Variants in SLC25A21 observed in about 807,000 individuals in gnomAD.
SLC25A21 encodes the protein solute carrier family 25 member 21, also known as mitochondrial 2-oxodicarboxylate carrier.
A neutral mutation model predicts 43.8 loss-of-function variants in SLC25A21; 47 were observed. The ratio of observed to expected loss-of-function variants is 1.07; its 90% CI spans 0.85 to 1.37. The LOEUF is 1.37. SLC25A21 is among the 40% of genes most tolerant of loss of function. SLC25A21 has a pLI of 0.00. For synonymous variants in SLC25A21, 131 were observed against 121.3 expected, an observed-to-expected ratio of 1.08 and a Z score of -0.52; for missense variants, 352 against 350.2, an observed-to-expected ratio of 1.00 and a Z score of -0.04.
chr14:36,745,736 G>A (rs1885468540), intron 3 of SLC25A21, among the ~76,000 whole-genome samples: 1 of 151,964 alleles, frequency 6.6e-6, no homozygotes, highest in South Asian at 2.1e-4. Flanking sequence ...TGTAGATTCT[G>A]GATATTAGCC....
In SLC25A21 at chr14:36,679,283, C is replaced by CTA. The variant is rs754786807; in HGVS notation, c.*1373_*1374dup. ...GTTGGAAAGGATGTACAACAGAAGGCTATGTATGTATATACAGTATGTCAA... is the reference window on the plus strand; with the variant it reads ...GTTGGAAAGGATGTACAACAGAAGGCTATATGTATGTATATACAGTATGTCAA... On this transcript the variant is annotated 3_prime_UTR_variant, in exon 10 of 10. Transcript: ENST00000331299. 1.1e-5 allele frequency: 11 copies of CTA among 980,298 alleles called. No homozygotes were observed. In the East Asian group the frequency reaches 1.0e-3, roughly 91 times the overall value. 60.7% of individuals were successfully genotyped at this position (980,298 alleles called of 1,614,324 possible). A position where few individuals can be genotyped will look rare whatever the true frequency, so the allele number is the denominator to read the frequency against.
At chr14:37,146,854 T>C (rs560512758) in intron 1 of SLC25A21, among the ~76,000 whole-genome samples, 4 of 152,344 alleles carry the variant, frequency 2.6e-5, no homozygotes, top group East Asian at 1.9e-4. Flanking sequence ...TAGATTCATA[T>C]ACGCCGCACA....
At chr14:36,746,631 T>C (rs940060772) in intron 3 of SLC25A21, among the ~76,000 whole-genome samples, 6 of 152,218 alleles carry the variant, frequency 3.9e-5, no homozygotes, top group African/African-American at 1.4e-4. Flanking sequence ...AGCTCATTGA[T>C]AAATAAGCCT....
intron 3 of SLC25A21, among the ~76,000 whole-genome samples, chr14:36,763,898 G>A (rs1886258350): frequency 6.6e-6 from 1 of 150,710 alleles, no homozygotes; most frequent in South Asian, 2.1e-4. Flanking sequence ...GTGCAATGGT[G>A]GGCACCTGTA....
chr14:37,139,341 T>C (rs748133601), intron 1 of SLC25A21, among the ~76,000 whole-genome samples: 5 of 152,112 alleles, frequency 3.3e-5, no homozygotes, highest in Non-Finnish European at 5.9e-5. Context: ...TTTATTCTAA[T>C]AAGAAAAGTC....
At chr14:37,007,842 C>A (rs1194600611) in intron 1 of SLC25A21, among the ~76,000 whole-genome samples, 1 of 152,096 alleles carries the variant, frequency 6.6e-6, no homozygotes, top group African/African-American at 2.4e-5. Flanking sequence ...AAGGATTCTG[C>A]ATTTACTTCT....
intron 1 of SLC25A21, among the ~76,000 whole-genome samples, chr14:36,945,992 G>A (rs1723967059): frequency 6.6e-6 from 1 of 152,126 alleles, no homozygotes; most frequent in African/African-American, 2.4e-5. Context: ...AAGCAAGCTA[G>A]CAACATAACC....
At chr14:36,882,789 T>C (rs1890775139) in intron 1 of SLC25A21, among the ~76,000 whole-genome samples, 2 of 151,544 alleles carry the variant, frequency 1.3e-5, no homozygotes, top group Admixed American at 6.6e-5. Context: ...TCTAGTAGCC[T>C]AGATATTCAG....
intron 1 of SLC25A21, among the ~76,000 whole-genome samples, chr14:36,939,936 C>T (rs890583489): frequency 3.9e-5 from 6 of 152,124 alleles, no homozygotes; most frequent in African/African-American, 1.4e-4. Context: ...TTACATTCAG[C>T]GTTCTCCTCC....
intron 3 of SLC25A21, among the ~76,000 whole-genome samples, chr14:36,758,047 T>A (rs1385110665): frequency 6.6e-6 from 1 of 152,180 alleles, no homozygotes; most frequent in Non-Finnish European, 1.5e-5. Flanking sequence ...GAAAAGTGAA[T>A]ATGCAGCAAT....
At chr14:37,060,641 C>T (rs923568744) in intron 1 of SLC25A21, among the ~76,000 whole-genome samples, 1 of 151,646 alleles carries the variant, frequency 6.6e-6, no homozygotes, top group Admixed American at 6.6e-5. Context: ...CAAATAAACC[C>T]TGGATGTACC....
intron 2 of SLC25A21, among the ~76,000 whole-genome samples, chr14:36,848,327 A>T (rs919581853): frequency 6.6e-6 from 1 of 152,222 alleles, no homozygotes; most frequent in African/African-American, 2.4e-5. Context: ...TATATTCTCC[A>T]TACTGTCAAG....
chr14:36,694,965 C>T (rs779715467), intron 7 of SLC25A21, among the ~76,000 whole-genome samples: 26 of 152,198 alleles, frequency 1.7e-4, no homozygotes, highest in African/African-American at 2.4e-4. Flanking sequence ...TTGGTGTTTT[C>T]GTCATGCAGT....
intron 1 of SLC25A21, among the ~76,000 whole-genome samples, chr14:37,071,539 C>A (rs1337043212): frequency 1.3e-5 from 2 of 152,126 alleles, no homozygotes; most frequent in East Asian, 3.9e-4. Context: ...TATTTCTTAA[C>A]ACTATGTTTT....
chr14:36,994,365 A>C (rs1361857399), intron 1 of SLC25A21, among the ~76,000 whole-genome samples: 4 of 152,246 alleles, frequency 2.6e-5, no homozygotes, highest in African/African-American at 9.6e-5. Context: ...GTGGGAAGGA[A>C]GAGAATAAGG....
intron 1 of SLC25A21, among the ~76,000 whole-genome samples, chr14:37,113,165 C>T (rs950509815): frequency 2.0e-5 from 3 of 152,084 alleles, no homozygotes; most frequent in Non-Finnish European, 2.9e-5. Context: ...CAGCAGGATG[C>T]TGAAATCATT....
intron 1 of SLC25A21, among the ~76,000 whole-genome samples, chr14:36,973,047 T>G (rs1277031735): frequency 6.6e-6 from 1 of 151,518 alleles, no homozygotes; most frequent in African/African-American, 2.4e-5. Context: ...TATTTTATTT[T>G]ATTTTATTTT....
chr14:37,019,253 A>T (rs1960931641), intron 1 of SLC25A21, among the ~76,000 whole-genome samples: 1 of 151,154 alleles, frequency 6.6e-6, no homozygotes, highest in Non-Finnish European at 1.5e-5. Context: ...GACACACCAA[A>T]CTCTTCCTTA....
At position 36,679,372 on chromosome 14, in the gene SLC25A21, C is replaced by CTTT; in HGVS notation, c.*1283_*1285dup. On this transcript the variant is annotated 3_prime_UTR_variant, in exon 10 of 10. Coordinates refer to ENST00000331299, the MANE Select transcript of SLC25A21 (RefSeq NM_030631.4). ...TAAAAAGTAATAATTACCATGTTAT[C>CTTT]TTTTACTTTTTATTTTCAAAATGCT... 1.0e-6 allele frequency: 1 copy of CTTT among 975,884 alleles called. No homozygotes were observed. Among genetic ancestry groups the CTTT allele is most frequent in the Non-Finnish European group, 1.2e-6 (1 of 821,430 alleles). 60.5% of individuals were successfully genotyped at this position (975,884 alleles called of 1,614,324 possible). A position where few individuals can be genotyped will look rare whatever the true frequency, so the allele number is the denominator to read the frequency against.
Sources: gnomAD v4.1 joint callset for allele counts (sites outside exome capture counted in the v4.1 genomes callset) on GRCh38, gnomAD v4.1.1 for gene constraint, MANE v1.5 for transcripts, NCBI Gene and HGNC (gene_info 2026-07-23, HGNC 2026-07-21) for gene names.